Variants in CNTLN observed in about 807,000 individuals in gnomAD.
The protein encoded by CNTLN is centlein.
Under a neutral mutation model 180.0 loss-of-function variants are expected in CNTLN, and 212 were observed. The ratio of observed to expected loss-of-function variants is 1.18; its 90% confidence interval spans 1.05 to 1.32. The LOEUF (loss-of-function observed/expected upper bound fraction) is 1.32, where lower values mean the gene tolerates loss of function less well. Ranked by LOEUF, CNTLN falls within the 40% of genes most tolerant of loss-of-function variation. CNTLN has a pLI of 0.00. For synonymous variants in CNTLN, 722 were observed against 563.1 expected (o/e 1.28, Z -3.99); for missense variants, 2,095 against 1,610.9 (o/e 1.30, Z -5.14).
chr9:17,452,464 C>G (rs1383922902), intron 18 of CNTLN, among the ~76,000 whole-genome samples: 7 of 152,092 alleles, frequency 4.6e-5, no homozygotes, highest in Non-Finnish European at 8.8e-5. Context: ...CAGGGGAATA[C>G]GGGGAGGGAA....
At chr9:17,349,748 C>A (rs180805831) in intron 12 of CNTLN, among the ~76,000 whole-genome samples, 7 of 152,180 alleles carry the variant, frequency 4.6e-5, no homozygotes, top group Admixed American at 2.6e-4. Context: ...AGGCCAAGAA[C>A]TTAGTAATCT....
chr9:17,188,924 A>C (rs571683430), intron 2 of CNTLN, among the ~76,000 whole-genome samples: 2 of 151,512 alleles, frequency 1.3e-5, no homozygotes, highest in Admixed American at 6.6e-5. Context: ...TTCTTTGCAT[A>C]CCTAATAATT....
Position 17,298,199 on chromosome 9 carries a change from G to T in CNTLN, c.993G>T (p.Leu331=), listed in dbSNP as rs1383341453. 6.6e-7 allele frequency: 1 copy of T among 1,519,120 alleles called. No homozygotes were observed. The highest frequency in any genetic ancestry group is 8.8e-7 in the Non-Finnish European group (1 of 1,134,200). The allele number at this position is 1,519,120 out of a possible 1,614,324, so 94.1% of individuals were successfully genotyped here. The change falls in exon 7 of 26, where the codon CTG becomes CTT. Residue 331 remains leucine, a synonymous_variant. Coordinates refer to ENST00000380647, the MANE Select transcript of CNTLN (RefSeq NM_017738.4). ...TGCTTGCTTTGCACAGGAAGGAACTGCAGGAGCTGCAGAATCTTTACAAAC... is the reference window on the plus strand; with the variant it reads ...TGCTTGCTTTGCACAGGAAGGAACTTCAGGAGCTGCAGAATCTTTACAAAC... ...DMDITLVRKE[L]QELQNLYKQN...
intron 18 of CNTLN, among the ~76,000 whole-genome samples, chr9:17,426,596 A>G (rs1354100640): frequency 6.6e-6 from 1 of 151,788 alleles, no homozygotes; most frequent in Admixed American, 6.6e-5. Context: ...AGTTATTAGA[A>G]TCTTTTTTAT....
At chr9:17,205,741 G>A (rs1822872508) in intron 2 of CNTLN, among the ~76,000 whole-genome samples, 1 of 152,172 alleles carries the variant, frequency 6.6e-6, no homozygotes, top group Non-Finnish European at 1.5e-5. Flanking sequence ...GGAGTAAAGA[G>A]GTTTGGGGAA....
At chr9:17,315,049 A>G (rs997441710) in intron 8 of CNTLN, among the ~76,000 whole-genome samples, 3 of 152,168 alleles carry the variant, frequency 2.0e-5, no homozygotes, top group Admixed American at 6.5e-5. Context: ...TAAAAAATCA[A>G]TTTCATTTAG....
intron 2 of CNTLN, among the ~76,000 whole-genome samples, chr9:17,161,615 G>A (rs890085948): frequency 6.6e-6 from 1 of 152,088 alleles, no homozygotes; most frequent in African/African-American, 2.4e-5. Flanking sequence ...ATTTCATCCT[G>A]GCTTTAAAAA....
intron 1 of CNTLN, among the ~76,000 whole-genome samples, chr9:17,141,429 A>G (rs1414229954): frequency 6.6e-6 from 1 of 152,168 alleles, no homozygotes; most frequent in Non-Finnish European, 1.5e-5. Flanking sequence ...TGAAAGTGTG[A>G]TGGATGATGC....
At chr9:17,477,588 A>G (rs1042868346) in intron 23 of CNTLN, among the ~76,000 whole-genome samples, 3 of 152,204 alleles carry the variant, frequency 2.0e-5, no homozygotes, top group African/African-American at 7.2e-5. Context: ...GGAGTTCAAG[A>G]CATTAGTGGA....
chr9:17,381,680 G>A (rs536487093), intron 13 of CNTLN, among the ~76,000 whole-genome samples: 1 of 152,282 alleles, frequency 6.6e-6, no homozygotes, highest in East Asian at 1.9e-4. Flanking sequence ...CAACCACAAA[G>A]TCTCACTAGC....
chr9:17,342,540 T>A, intron 12 of CNTLN, 96 bp downstream of exon 12: 1 of 1,105,052 alleles, frequency 9.0e-7, no homozygotes, highest in South Asian at 1.8e-5. Context: ...TTATAAAATT[T>A]GAAATAATCT....
At chr9:17,157,035 G>C (rs1819343603) in intron 2 of CNTLN, among the ~76,000 whole-genome samples, 1 of 152,206 alleles carries the variant, frequency 6.6e-6, no homozygotes, top group Non-Finnish European at 1.5e-5. Context: ...AATAATGTTA[G>C]TGATAACACT....
intron 8 of CNTLN, among the ~76,000 whole-genome samples, chr9:17,317,740 T>C (rs12236166): frequency 0.077 from 11,641 of 152,160 alleles, 489 homozygotes; most frequent in South Asian, 0.14. Flanking sequence ...TGAAGAGCAT[T>C]CTAAACAGAG....
chr9:17,284,277 A>G (rs113883061), intron 6 of CNTLN, among the ~76,000 whole-genome samples: 1 of 152,182 alleles, frequency 6.6e-6, no homozygotes, highest in Admixed American at 6.5e-5. Flanking sequence ...CTGACCTCAT[A>G]AAATGAATTA....
At chr9:17,498,225 A>G (rs1833560724) in intron 25 of CNTLN, among the ~76,000 whole-genome samples, 1 of 152,144 alleles carries the variant, frequency 6.6e-6, no homozygotes, top group Non-Finnish European at 1.5e-5. Flanking sequence ...ATTCCCATTA[A>G]TGCTGATGTA....
intron 18 of CNTLN, among the ~76,000 whole-genome samples, chr9:17,438,363 G>T (rs1243692076): frequency 6.6e-6 from 1 of 152,102 alleles, no homozygotes; most frequent in Non-Finnish European, 1.5e-5. Context: ...AAGAGACTTT[G>T]CAGTGTTATA....
At chr9:17,332,318 C>T (rs957024260) in intron 9 of CNTLN, among the ~76,000 whole-genome samples, 1 of 152,028 alleles carries the variant, frequency 6.6e-6, no homozygotes, top group Non-Finnish European at 1.5e-5. Flanking sequence ...AATGAGGTTT[C>T]TTGCATTTCT....
intron 2 of CNTLN, among the ~76,000 whole-genome samples, chr9:17,150,487 T>A (rs1052250874): frequency 1.1e-4 from 16 of 152,188 alleles, no homozygotes; most frequent in Non-Finnish European, 5.9e-5. Flanking sequence ...TTCTGAGGCC[T>A]CCATTCTGTT....
At position 17,503,364 on chromosome 9, in the gene CNTLN, T is replaced by A. The variant is rs2593351; in HGVS notation, c.*712T>A. The A allele has an allele frequency of 0.93, 140,981 of 152,258 alleles. 65,852 individuals carry two copies. Among genetic ancestry groups the A allele is most frequent in the Non-Finnish European group, 0.98 (66,934 of 68,052 alleles). 9.4% of individuals were successfully genotyped at this position (152,258 alleles called of 1,614,324 possible). On this transcript the variant is annotated 3_prime_UTR_variant, in exon 26 of 26. Coordinates refer to ENST00000380647, the MANE Select transcript of CNTLN (RefSeq NM_017738.4). The stretch of plus-strand genomic sequence containing the variant: ...GAACTACTACTGTGGTCAGCTAATT[T>A]AAGTTACATTCTTAACCATGATGTC...
Sources: allele counts gnomAD v4.1 joint callset (sites outside exome capture counted in the v4.1 genomes callset), GRCh38; gene constraint gnomAD v4.1.1; transcripts MANE v1.5; gene names NCBI Gene and HGNC (gene_info 2026-07-23, HGNC 2026-07-21).